PGM1: variants seen among roughly 807,000 people sequenced by gnomAD.
PGM1 encodes the protein phosphoglucomutase 1.
Under a neutral mutation model 55.6 loss-of-function variants are expected in PGM1, and 52 were observed. The observed-to-expected ratio is 0.94, with a 90% confidence interval of 0.75 to 1.18. The LOEUF (loss-of-function observed/expected upper bound fraction) is 1.18. Ranked by LOEUF, PGM1 falls within the 50% of genes most tolerant of loss-of-function variation. The pLI, the probability that PGM1 is intolerant of heterozygous loss-of-function variation, is 0.00. For synonymous variants in PGM1, 287 were observed against 271.7 expected (o/e 1.06, Z -0.55); for missense variants, 724 against 729.3 (o/e 0.99, Z 0.08).
rs138061157 is a variant in PGM1 at position 63,644,723 on chromosome 1, TTC to T, written c.1145-3792_1145-3791del. ...GTTATGAGAGAGAAGTTAGCATTAT[TTC>T]TGTTTTGCAGTTGAAGAAACTGAGG... On this transcript the variant is annotated intron_variant, in intron 7 of 10. Coordinates refer to ENST00000371084, the MANE Select transcript of PGM1 (RefSeq NM_002633.3). 1.1e-3 allele frequency among the ~76,000 whole-genome samples: 168 copies of T among 152,364 alleles called. 1 individual carries two copies. The East Asian group carries it at 0.024, about 22-fold the overall frequency.
At chr1:63,618,524 G>C (rs1015484562) in intron 1 of PGM1, among the ~76,000 whole-genome samples, 2 of 151,824 alleles carry the variant, frequency 1.3e-5, no homozygotes, top group African/African-American at 4.8e-5. Context: ...AATATACCTA[G>C]TTTTCCCCCC....
chr1:63,594,172 C>A (rs1349939319), intron 1 of PGM1: 37 of 970,656 alleles, frequency 3.8e-5, no homozygotes, highest in Non-Finnish European at 4.3e-5. Flanking sequence ...TCGCCCAGAG[C>A]CCCCTCGCAT....
chr1:63,636,732 T>C (rs1649374085), intron 6 of PGM1, among the ~76,000 whole-genome samples: 1 of 152,174 alleles, frequency 6.6e-6, no homozygotes, highest in Non-Finnish European at 1.5e-5. Context: ...GCCTGGCACA[T>C]AGTAGGACAA....
chr1:63,659,259 T>A (rs11208263), intron 10 of PGM1, among the ~76,000 whole-genome samples: 27,590 of 151,194 alleles, frequency 0.18, 2,748 homozygotes, highest in Admixed American at 0.29. Context: ...AGCAGGAGAG[T>A]GGAGAGAAAA....
chr1:63,595,090 T>TA (rs1350575116), intron 1 of PGM1, among the ~76,000 whole-genome samples: 1 of 152,234 alleles, frequency 6.6e-6, no homozygotes, highest in Non-Finnish European at 1.5e-5. Flanking sequence ...AGATTTGACT[T>TA]ATGCCCAATT....
intron 1 of PGM1, among the ~76,000 whole-genome samples, chr1:63,606,027 A>C (rs1162178425): frequency 1.3e-5 from 2 of 152,204 alleles, no homozygotes; most frequent in Admixed American, 6.5e-5. Context: ...GTAAAAACAA[A>C]AAACAAAACT....
At chr1:63,606,398 G>A (rs1648417672) in intron 1 of PGM1, among the ~76,000 whole-genome samples, 1 of 152,170 alleles carries the variant, frequency 6.6e-6, no homozygotes, top group Admixed American at 6.5e-5. Flanking sequence ...CTGGGTGTGG[G>A]CAGTCCAGGG....
chr1:63,627,064 C>CA (rs1557429485), intron 1 of PGM1, among the ~76,000 whole-genome samples: 2,691 of 130,758 alleles, frequency 0.021, 100 homozygotes, highest in African/African-American at 0.074. Flanking sequence ...CCCCCCCCCC[C>CA]CCACACACAC....
At chr1:63,633,906 GTGTGTGTGTGTGTATATATATATA>G (rs1649274625) in intron 4 of PGM1, among the ~76,000 whole-genome samples, 1 of 35,356 alleles carries the variant, frequency 2.8e-5, no homozygotes, top group African/African-American at 1.6e-4. Flanking sequence ...GTGTGTGTGT[GTGTGTGTGTGTGTATATATATATA>G]TATTTTTTTT....
At chr1:63,629,646 C>A in intron 2 of PGM1, 59 bp downstream of exon 2, 3 of 1,528,890 alleles carry the variant, frequency 2.0e-6, no homozygotes, top group Admixed American at 1.7e-5. Flanking sequence ...CAAATCAATA[C>A]CTGGAGCCTT....
intron 7 of PGM1, among the ~76,000 whole-genome samples, chr1:63,642,752 G>A (rs1157742444): frequency 6.6e-6 from 1 of 152,154 alleles, no homozygotes; most frequent in Admixed American, 6.5e-5. Context: ...AAAGGTTCTA[G>A]TGCTAATGTA....
intron 7 of PGM1, among the ~76,000 whole-genome samples, chr1:63,647,710 T>C (rs57206402): frequency 0.04 from 6,113 of 152,254 alleles, 407 homozygotes; most frequent in African/African-American, 0.14. Context: ...CCCACAGCCT[T>C]GCAGTGAGAC....
chr1:63,659,391 A>G (rs1650055380), intron 10 of PGM1, among the ~76,000 whole-genome samples, 195 bp from the exon 11 acceptor site: 1 of 152,176 alleles, frequency 6.6e-6, no homozygotes, highest in African/African-American at 2.4e-5. Context: ...TACATGAAAG[A>G]CTGTAGTGTT....
intron 6 of PGM1, among the ~76,000 whole-genome samples, chr1:63,638,245 A>C (rs1217572441): frequency 6.6e-6 from 1 of 152,088 alleles, no homozygotes; most frequent in African/African-American, 2.4e-5. Flanking sequence ...TGATCACATA[A>C]CATTCTGGGC....
intron 1 of PGM1, among the ~76,000 whole-genome samples, chr1:63,628,643 GT>G (rs1416712819): frequency 6.6e-6 from 1 of 152,214 alleles, no homozygotes; most frequent in African/African-American, 2.4e-5. Flanking sequence ...CTTGAGTCAT[GT>G]TGAAACAGAT....
intron 7 of PGM1, among the ~76,000 whole-genome samples, chr1:63,646,128 C>T (rs1016810039): frequency 2.6e-5 from 4 of 152,134 alleles, no homozygotes; most frequent in Admixed American, 6.6e-5. Flanking sequence ...AGGAAAAACA[C>T]CACGTGCCTC....
At chr1:63,651,618 T>C (rs1156580807) in intron 8 of PGM1, 51 bp from the exon 9 acceptor site, 2 of 1,527,530 alleles carry the variant, frequency 1.3e-6, no homozygotes, top group Non-Finnish European at 1.8e-6. Flanking sequence ...TGATAGGCCT[T>C]GGTGTGATCT....
In PGM1 at chr1:63,623,729, A is replaced by T. The variant is rs200881174; in HGVS notation, c.247-5696A>T. ...CGGTACTTTAATAAATCAGCAATAGAAACAATAGTGCAGATGGCAGCTGCC... is the reference window on the plus strand; with the variant it reads ...CGGTACTTTAATAAATCAGCAATAGTAACAATAGTGCAGATGGCAGCTGCC... On this transcript the variant is annotated intron_variant, in intron 1 of 10. Transcript: ENST00000371084. 1.3e-3 allele frequency: 2,050 copies of T among 1,612,480 alleles called. No individual in the cohort carries two copies. Among genetic ancestry groups the T allele is most frequent in the Non-Finnish European group, 1.6e-3 (1,893 of 1,179,688 alleles).
Position 63,654,389 on chromosome 1 carries a change from G to A in PGM1, c.1522G>A (p.Gly508Arg), listed in dbSNP as rs539356740. 5.6e-6 allele frequency: 9 copies of A among 1,612,716 alleles called. No homozygotes were observed. In the South Asian group the frequency reaches 8.8e-5, roughly 16 times the overall value. The change falls in exon 10 of 11, where the codon GGG (glycine) becomes AGG (arginine). Residue 508 changes from glycine (G) to arginine (R), a missense_variant. By Grantham distance (125) the Gly-to-Arg change is moderately radical. Around this residue, in one of 3 missense-constraint regions of PGM1, gnomAD observed 316 missense variants for 313.1 expected, o/e 1.01. Transcript: ENST00000371084. Reference sequence around the variant, plus strand: ...AATCGTCTTCCGACTGAGCGGCACTGGGAGTGCCGGGGCCACCATTCGGCT... The same window carrying A: ...AATCGTCTTCCGACTGAGCGGCACTAGGAGTGCCGGGGCCACCATTCGGCT... ...SRIVFRLSGT[G>R]SAGATIRLYI...
Sources: allele counts gnomAD v4.1 joint callset (sites outside exome capture counted in the v4.1 genomes callset), GRCh38; gene constraint gnomAD v4.1.1; regional missense constraint gnomAD v4.1.1; transcripts MANE v1.5; gene names NCBI Gene and HGNC (gene_info 2026-07-23, HGNC 2026-07-21).